The following PTPRH variants were observed in gnomAD, a reference collection of about 807,000 sequenced individuals.
PTPRH encodes the protein protein tyrosine phosphatase receptor type H.
In PTPRH, 113 loss-of-function variants were observed where a neutral mutation model predicts 130.2. That is an observed-to-expected ratio of 0.87 (90% confidence interval 0.75 to 1.01). The LOEUF is 1.01. Among genes scored for constraint, PTPRH ranks in the 50% least tolerant of loss-of-function variants. The pLI, the probability that PTPRH is intolerant of heterozygous loss-of-function variation, is 0.00. For synonymous variants in PTPRH, 556 were observed against 577.9 expected, an observed-to-expected ratio of 0.96 and a Z score of 0.54; for missense variants, 1,430 against 1,425.0, an observed-to-expected ratio of 1.00 and a Z score of -0.06.
intron 12 of PTPRH, chr19:55,189,845 T>TTAGCCAA (rs1405699251): frequency 7.1e-6 from 3 of 423,490 alleles, no homozygotes; most frequent in Non-Finnish European, 1.4e-5. Flanking sequence ...AATTAAAAAA[T>TTAGCCAA]TAGCCAGGCA....
Position 55,205,478 on chromosome 19 carries a change from T to TA in PTPRH, c.466dup (p.Tyr156LeufsTer17). ...CCCTGCTCTGCCACCATCTCCAGTG[T>TA]ACTCAACCCCGTAGGTGGAGTTCTG... is the stretch of plus-strand genomic sequence containing the variant. On this transcript the variant is annotated frameshift_variant, in exon 4 of 20. Coordinates refer to ENST00000376350, the MANE Select transcript of PTPRH (RefSeq NM_002842.5). LOFTEE classifies it high-confidence loss of function. 6.2e-7 allele frequency: 1 copy of TA among 1,614,202 alleles called. No individual in the cohort carries two copies. The highest frequency in any genetic ancestry group is 8.5e-7 in the Non-Finnish European group (1 of 1,180,036).
At position 55,196,643 on chromosome 19, in the gene PTPRH, AC is replaced by A. The variant is rs914250449; in HGVS notation, c.2135del (p.Cys712LeufsTer27). 3.1e-6 allele frequency: 5 copies of A among 1,613,802 alleles called. No individual in the cohort carries two copies. In the African/African-American group the frequency reaches 6.7e-5, roughly 22 times the overall value. On this transcript the variant is annotated frameshift_variant, in exon 10 of 20. Transcript: ENST00000376350. LOFTEE classifies it high-confidence loss of function. Reference sequence around the variant, plus strand: ...GACCCAACACAGACACAGCCTCCCCACATGAAGATCTGTCCTGGGAGCCCCG... The same window carrying A: ...GACCCAACACAGACACAGCCTCCCCAATGAAGATCTGTCCTGGGAGCCCCG... ...GQRGSQDRSS[C>X]GEAVSVLGLG...
chr19:55,185,944 C>T lies in PTPRH; in HGVS notation c.2819G>A (p.Cys940Tyr), dbSNP rs746214480. ...GGTTACCCGCAGGTGCCCATGGGTG[C>T]AGGGCTGCGAGTCCAGAGGCCAGTA... ...EHYWPLDSQP[C>Y]THGHLRVTLV... is the part of the protein sequence containing the mutation. Residue 940 changes from cysteine to tyrosine, a missense_variant, in exon 17 of 20, where the codon TGC becomes TAC. Cys to Tyr is a radical substitution (Grantham distance 194). Transcript: ENST00000376350. 6.2e-7 allele frequency: 1 copy of T among 1,614,074 alleles called. No homozygotes were observed. Among genetic ancestry groups the T allele is most frequent in the South Asian group, 1.1e-5 (1 of 91,084 alleles).
chr19:55,198,663 C>T lies in PTPRH; in HGVS notation c.1670G>A (p.Ser557Asn). ...CTCACCAGTGGCTGCAGTGAGGGTG[C>T]TGTTATAGCCTCTGACCTCATTCCT... ...AERNEVRGYN[S>N]TLTAATAPNE... The change falls in exon 8 of 20, where the codon AGC becomes AAC. Residue 557 changes from serine (S) to asparagine (N), a missense_variant. Transcript: ENST00000376350. 2 of 1,607,568 alleles carry T rather than the reference C, an allele frequency of 1.2e-6. No individual in the cohort carries two copies. The highest frequency in any genetic ancestry group is 1.7e-6 in the Non-Finnish European group (2 of 1,176,238).
chr19:55,199,313 GAA>G (rs1281241279), intron 7 of PTPRH, among the ~76,000 whole-genome samples: 1 of 151,794 alleles, frequency 6.6e-6, no homozygotes, highest in Non-Finnish European at 1.5e-5. Context: ...TCAAAAGAAA[GAA>G]AGAGAGAGAG....
intron 18 of PTPRH, among the ~76,000 whole-genome samples, chr19:55,183,243 A>G (rs1472773275): frequency 6.7e-6 from 1 of 149,868 alleles, no homozygotes; most frequent in Non-Finnish European, 1.5e-5. Context: ...AAGTACCAAA[A>G]AAAAAAAAAA....
In PTPRH at chr19:55,197,112, C is replaced by G; in HGVS notation, c.1990+5G>C. On this transcript the variant is annotated splice_donor_5th_base_variant and intron_variant, in intron 9 of 19. Transcript: ENST00000376350. ...ACCACTTGAAGGCAGGAAGGGGATT[C>G]TCACATGTGGACGCACAGAGGCTCT... 6.2e-7 allele frequency: 1 copy of G among 1,612,546 alleles called. No homozygotes were observed. Among genetic ancestry groups the G allele is most frequent in the Non-Finnish European group, 8.5e-7 (1 of 1,178,612 alleles).
At position 55,185,950 on chromosome 19, in the gene PTPRH, T is replaced by C; in HGVS notation, c.2813A>G (p.Gln938Arg). Reference sequence around the variant, plus strand: ...CCGCAGGTGCCCATGGGTGCAGGGCTGCGAGTCCAGAGGCCAGTAATGCTC... The same window carrying C: ...CCGCAGGTGCCCATGGGTGCAGGGCCGCGAGTCCAGAGGCCAGTAATGCTC... ...KCEHYWPLDS[Q>R]PCTHGHLRVT... Residue 938 changes from glutamine to arginine, a missense_variant, in exon 17 of 20, where the codon CAG becomes CGG. Physicochemically the swap from Gln to Arg is conservative, Grantham distance 43 (BLOSUM62 1). Coordinates refer to ENST00000376350, the MANE Select transcript of PTPRH (RefSeq NM_002842.5). 1 of 1,613,988 alleles carries C rather than the reference T, an allele frequency of 6.2e-7. No individual in the cohort carries two copies. Among genetic ancestry groups the C allele is most frequent in the Non-Finnish European group, 8.5e-7 (1 of 1,179,928 alleles).
At chr19:55,202,451 C>T (rs372941840) in intron 5 of PTPRH, 129 bp from the exon 6 acceptor site, 9 of 1,356,370 alleles carry the variant, frequency 6.6e-6, no homozygotes, top group East Asian at 5.0e-5. Flanking sequence ...AGTGTGGCAG[C>T]CACGAGTTCC....
chr19:55,204,037 C>G lies in PTPRH; in HGVS notation c.631G>C (p.Val211Leu), dbSNP rs576610554. 16 of 1,613,436 alleles carry G rather than the reference C, an allele frequency of 9.9e-6. No homozygotes were observed. In the South Asian group the frequency reaches 1.2e-4, roughly 12 times the overall value. ...TRNATTAHNP[V>L]RNLRVEAQTT... ...TGAGCCTCCACTCTCAGGTTCCTCA[C>G]TGGGTTGTGAGCTGAGAAATTAGGA... The change falls in exon 5 of 20, where the codon GTG becomes CTG. Residue 211 changes from valine (V) to leucine (L), a missense_variant. Physicochemically the swap from Val to Leu is conservative, Grantham distance 32 (BLOSUM62 1). Coordinates refer to ENST00000376350, the MANE Select transcript of PTPRH (RefSeq NM_002842.5).
At chr19:55,188,368 C>T (rs759019505) in intron 12 of PTPRH, among the ~76,000 whole-genome samples, 200 bp from the exon 13 acceptor site, 1 of 152,044 alleles carries the variant, frequency 6.6e-6, no homozygotes, top group Non-Finnish European at 1.5e-5. Context: ...CAAAAATTAG[C>T]CGGGCGTGGT....
intron 3 of PTPRH, 89 bp from the exon 4 acceptor site, chr19:55,205,681 G>A (rs1203432610): frequency 6.4e-7 from 1 of 1,559,110 alleles, no homozygotes; most frequent in Admixed American, 1.8e-5. Context: ...CCAGCAGGTA[G>A]AGGCAGGGAG....
At position 55,191,529 on chromosome 19, in the gene PTPRH, T is replaced by G. The variant is rs1204794249; in HGVS notation, c.2356A>C (p.Lys786Gln). Reference protein sequence around the residue: ...LKRRNKKKQQKPELRDLVFSS... With the variant: ...LKRRNKKKQQQPELRDLVFSS... Reference sequence around the variant, plus strand: ...AAGACCAGATCCCTGAGTTCTGGTTTCTGCTGCTTCTTCTTATTCCTGGGA... The same window carrying G: ...AAGACCAGATCCCTGAGTTCTGGTTGCTGCTGCTTCTTCTTATTCCTGGGA... Residue 786 changes from lysine to glutamine, a missense_variant, in exon 12 of 20, where the codon AAA becomes CAA. Transcript: ENST00000376350. 2.5e-6 allele frequency: 4 copies of G among 1,614,046 alleles called. No homozygotes were observed. In the East Asian group the frequency reaches 8.9e-5, roughly 36 times the overall value.
At chr19:55,192,753 G>C (rs967099619) in intron 10 of PTPRH, among the ~76,000 whole-genome samples, 1 of 151,452 alleles carries the variant, frequency 6.6e-6, no homozygotes, top group African/African-American at 2.4e-5. Context: ...GGGTTTCACC[G>C]TGTTAGCCAG....
At chr19:55,184,079 G>C (rs1395890385) in intron 18 of PTPRH, among the ~76,000 whole-genome samples, 2 of 152,120 alleles carry the variant, frequency 1.3e-5, no homozygotes, top group East Asian at 3.9e-4. Flanking sequence ...GAGGTTGGGA[G>C]TTTGAGACCA....
At position 55,200,285 on chromosome 19, in the gene PTPRH, T is replaced by C. The variant is rs1344087411; in HGVS notation, c.1371A>G (p.Ala457=). Residue 457 remains alanine, a synonymous_variant, in exon 7 of 20, where the codon GCA becomes GCG. Coordinates refer to ENST00000376350, the MANE Select transcript of PTPRH (RefSeq NM_002842.5). Reference sequence around the variant, plus strand: ...TGGAGCCACGTGCTCCATTTTTTTCTGCCCATACAGAGAATGTGTACAAGG... The same window carrying C: ...TGGAGCCACGTGCTCCATTTTTTTCCGCCCATACAGAGAATGTGTACAAGG... ...PGTLYTFSVW[A]EKNGARGSRQ... 6.2e-7 allele frequency: 1 copy of C among 1,614,120 alleles called. No individual in the cohort carries two copies. The highest frequency in any genetic ancestry group is 1.7e-5 in the Admixed American group (1 of 59,996).
chr19:55,196,642 C>T lies in PTPRH; in HGVS notation c.2137G>A (p.Gly713Arg). ...QRGSQDRSSC[G>R]EAVSVLGLGP... Reference sequence around the variant, plus strand: ...AGACCCAACACAGACACAGCCTCCCCACATGAAGATCTGTCCTGGGAGCCC... The same window carrying T: ...AGACCCAACACAGACACAGCCTCCCTACATGAAGATCTGTCCTGGGAGCCC... Residue 713 changes from glycine to arginine, a missense_variant, in exon 10 of 20, where the codon GGG becomes AGG. Gly to Arg is a moderately radical substitution (Grantham distance 125). Coordinates refer to ENST00000376350, the MANE Select transcript of PTPRH (RefSeq NM_002842.5). 1 of 1,614,098 alleles carries T rather than the reference C, an allele frequency of 6.2e-7. No individual in the cohort carries two copies. Among genetic ancestry groups the T allele is most frequent in the Non-Finnish European group, 8.5e-7 (1 of 1,180,022 alleles).
intron 10 of PTPRH, among the ~76,000 whole-genome samples, chr19:55,195,913 T>G (rs551599049): frequency 6.6e-6 from 1 of 151,350 alleles, no homozygotes; most frequent in Admixed American, 6.6e-5. Flanking sequence ...GGCAAATCTA[T>G]AGAGATTGAA....
rs754287762 is a variant in PTPRH, at chr19:55,196,809, G to T, written c.1991-21C>A. 1.9e-6 allele frequency: 3 copies of T among 1,605,482 alleles called. No homozygotes were observed. The East Asian group carries it at 6.7e-5, about 36-fold the overall frequency. ...TGGGTCTGGGTGAAGGAAGCAAGAGGTCAGCAGTGCCATCCAAGGTGGCTT... is the reference window on the plus strand; with the variant it reads ...TGGGTCTGGGTGAAGGAAGCAAGAGTTCAGCAGTGCCATCCAAGGTGGCTT... On this transcript the variant is annotated intron_variant, in intron 9 of 19. Coordinates refer to ENST00000376350, the MANE Select transcript of PTPRH (RefSeq NM_002842.5).
Sources: allele counts gnomAD v4.1 joint callset (sites outside exome capture counted in the v4.1 genomes callset), GRCh38; gene constraint gnomAD v4.1.1; transcripts MANE v1.5; gene names NCBI Gene and HGNC (gene_info 2026-07-23, HGNC 2026-07-21).